Variants in ADARB2 observed in about 807,000 individuals in gnomAD.
ADARB2 encodes the protein adenosine deaminase RNA specific B2 (inactive), also known as inactive double-stranded RNA-specific editase B2.
ADARB2 carries 25 observed loss-of-function variants against 62.2 expected under a neutral mutation model. That is an observed-to-expected ratio of 0.40 (90% CI 0.29 to 0.56). ADARB2 has a LOEUF of 0.56. Ranked by LOEUF, ADARB2 falls within the 20% of genes least tolerant of loss-of-function variation. The pLI, the probability that ADARB2 is intolerant of heterozygous loss-of-function variation, is 0.43. For synonymous variants in ADARB2, 572 were observed against 500.8 expected (o/e 1.14, Z -1.90); for missense variants, 1,071 against 1,077.4 (o/e 0.99, Z 0.08).
At chr10:1,390,499 C>T in intron 1 of ADARB2, among the ~76,000 whole-genome samples, 1 of 151,970 alleles carries the variant, frequency 6.6e-6, no homozygotes, top group East Asian at 1.9e-4. Flanking sequence ...CATGACTGGA[C>T]AAGAAAATAA....
chr10:1,532,155 T>C (rs1468197300), intron 1 of ADARB2, among the ~76,000 whole-genome samples: 1 of 152,150 alleles, frequency 6.6e-6, no homozygotes, highest in East Asian at 1.9e-4. Context: ...CACCATTCCC[T>C]GAAGACAGAC....
intron 1 of ADARB2, among the ~76,000 whole-genome samples, chr10:1,663,783 C>T (rs1834280368): frequency 6.6e-6 from 1 of 152,058 alleles, no homozygotes; most frequent in South Asian, 2.1e-4. Flanking sequence ...CCATGCCTGG[C>T]TAATTTTTGT....
At chr10:1,708,869 A>C (rs753405705) in intron 1 of ADARB2, among the ~76,000 whole-genome samples, 2 of 152,188 alleles carry the variant, frequency 1.3e-5, no homozygotes, top group Non-Finnish European at 2.9e-5. Flanking sequence ...CACACCTGTG[A>C]ACATGCAACC....
intron 1 of ADARB2, among the ~76,000 whole-genome samples, chr10:1,467,044 A>T (rs187221808): frequency 1.2e-4 from 18 of 149,312 alleles, no homozygotes; most frequent in African/African-American, 4.4e-4. Context: ...TATTTACAGC[A>T]TCTCTCTCTC....
At chr10:1,490,163 C>T (rs567507932) in intron 1 of ADARB2, among the ~76,000 whole-genome samples, 3 of 152,294 alleles carry the variant, frequency 2.0e-5, no homozygotes, top group Admixed American at 6.5e-5. Context: ...GCAAGCCTAA[C>T]GCCAGCCCCT....
At chr10:1,473,498 G>A (rs1831355029) in intron 1 of ADARB2, among the ~76,000 whole-genome samples, 1 of 152,058 alleles carries the variant, frequency 6.6e-6, no homozygotes, top group African/African-American at 2.4e-5. Flanking sequence ...TCCTGCCTCA[G>A]CCTCCTGAGA....
intron 1 of ADARB2, among the ~76,000 whole-genome samples, chr10:1,450,477 G>A (rs922058733): frequency 8.5e-5 from 13 of 152,288 alleles, no homozygotes; most frequent in African/African-American, 2.4e-5. Context: ...TCGGATGCCC[G>A]GATGGTGCCT....
intron 1 of ADARB2, among the ~76,000 whole-genome samples, chr10:1,669,904 A>G (rs1834361754): frequency 1.3e-5 from 2 of 152,000 alleles, no homozygotes; most frequent in Admixed American, 1.3e-4. Flanking sequence ...ACAAACACAG[A>G]CACACCCATA....
intron 1 of ADARB2, among the ~76,000 whole-genome samples, chr10:1,459,533 G>C (rs997135482): frequency 6.6e-6 from 1 of 152,218 alleles, no homozygotes; most frequent in African/African-American, 2.4e-5. Context: ...GAGGCCAAGG[G>C]GGGGTGGATC....
At chr10:1,585,356 C>T (rs1241164241) in intron 1 of ADARB2, among the ~76,000 whole-genome samples, 2 of 152,224 alleles carry the variant, frequency 1.3e-5, no homozygotes, top group Non-Finnish European at 1.5e-5. Context: ...ACCTGTTTTC[C>T]ATTTGGTTCC....
intron 1 of ADARB2, among the ~76,000 whole-genome samples, chr10:1,420,513 T>C (rs1832842684): frequency 6.6e-6 from 1 of 151,008 alleles, no homozygotes; most frequent in African/African-American, 2.4e-5. Flanking sequence ...GATCTGTCTC[T>C]ATCTACCAAA....
In ADARB2 at chr10:1,648,358, C is replaced by T. The variant is rs145124574; in HGVS notation, c.100+88693G>A. ...CTTGAAGCTGGGACACAGGAAGAGC[C>T]GTGGGCTTGATTTCCAGCCTCCTCC... is the stretch of plus-strand genomic sequence containing the variant. On this transcript the variant is annotated intron_variant, in intron 1 of 9. Coordinates refer to ENST00000381312, the MANE Select transcript of ADARB2 (RefSeq NM_018702.4). Among the ~76,000 whole-genome samples, 572 of 152,194 alleles carry T rather than the reference C, an allele frequency of 3.8e-3. 3 individuals carry two copies. Among genetic ancestry groups the T allele is most frequent in the African/African-American group, 0.013 (545 of 41,524 alleles).
chr10:1,655,001 G>T (rs192288634), intron 1 of ADARB2, among the ~76,000 whole-genome samples: 10 of 152,362 alleles, frequency 6.6e-5, no homozygotes, highest in Non-Finnish European at 1.5e-4. Flanking sequence ...CAGCAGGCAG[G>T]CGTGAGGGTG....
chr10:1,436,165 T>G (rs1269326391), intron 1 of ADARB2, among the ~76,000 whole-genome samples: 1 of 152,186 alleles, frequency 6.6e-6, no homozygotes, highest in African/African-American at 2.4e-5. Flanking sequence ...TGTGCATGCT[T>G]GTGTGTGGGT....
chr10:1,316,880 T>G (rs1589190290), intron 3 of ADARB2, among the ~76,000 whole-genome samples: 1 of 152,368 alleles, frequency 6.6e-6, no homozygotes, highest in South Asian at 2.1e-4. Context: ...TGTGCTTAGC[T>G]CCTCACTCCG....
intron 1 of ADARB2, among the ~76,000 whole-genome samples, chr10:1,424,069 C>A (rs1019248281): frequency 6.6e-6 from 1 of 151,896 alleles, no homozygotes; most frequent in African/African-American, 2.4e-5. Flanking sequence ...TGCAGTGGGA[C>A]CACTATGTAT....
intron 1 of ADARB2, among the ~76,000 whole-genome samples, chr10:1,425,505 T>C (rs982599134): frequency 1.3e-5 from 2 of 152,242 alleles, no homozygotes; most frequent in Non-Finnish European, 2.9e-5. Flanking sequence ...TGTGTTGCTG[T>C]CCAGGATTCC....
At chr10:1,207,116 G>A (rs1289498579) in intron 7 of ADARB2, among the ~76,000 whole-genome samples, 1 of 152,230 alleles carries the variant, frequency 6.6e-6, no homozygotes, top group Non-Finnish European at 1.5e-5. Context: ...GGAGGCTGAG[G>A]CGGGTGGATC....
chr10:1,694,011 G>C (rs887182444), intron 1 of ADARB2, among the ~76,000 whole-genome samples: 1 of 152,206 alleles, frequency 6.6e-6, no homozygotes, highest in African/African-American at 2.4e-5. Flanking sequence ...TAGCCAAAAA[G>C]CCTCAGTAAA....
Sources: allele counts gnomAD v4.1 joint callset (sites outside exome capture counted in the v4.1 genomes callset), GRCh38; gene constraint gnomAD v4.1.1; transcripts MANE v1.5; gene names NCBI Gene and HGNC (gene_info 2026-07-23, HGNC 2026-07-21).